Variants in SLC2A10 observed in about 807,000 individuals in gnomAD.
SLC2A10 encodes solute carrier family 2 member 10.
SLC2A10 carries 25 observed loss-of-function variants against 32.1 expected under a neutral mutation model. That is an observed-to-expected ratio of 0.78 (90% CI 0.57 to 1.09). The LOEUF is 1.09. Ranked by LOEUF, SLC2A10 falls within the 50% of genes least tolerant of loss-of-function variation. The pLI, the probability that SLC2A10 is intolerant of heterozygous loss-of-function variation, is 0.00. For synonymous variants in SLC2A10, 332 were observed against 309.6 expected, an observed-to-expected ratio of 1.07 and a Z score of -0.76; for missense variants, 673 against 686.5, an observed-to-expected ratio of 0.98 and a Z score of 0.22.
chr20:46,708,843 T>C (rs1452745430), upstream of SLC2A10, among the ~76,000 whole-genome samples: 1 of 152,224 alleles, frequency 6.6e-6, no homozygotes, highest in East Asian at 1.9e-4. Context: ...CTGCGTTTTT[T>C]GTACCCCATA....
In SLC2A10 at chr20:46,725,056, TC is replaced by T. The variant is rs765380452; in HGVS notation, c.22del (p.Leu8CysfsTer13). The T allele has an allele frequency of 2.5e-6, 4 of 1,614,262 alleles. No individual in the cohort carries two copies. The highest frequency in any genetic ancestry group is 2.5e-6 in the Non-Finnish European group (3 of 1,180,042). Reference sequence around the variant, plus strand: ...TGTTTTTTAGGCCACTCCCCACCTGTCCTGCCTTTGTGTGCCTCTGTGTCTT... The same window carrying T: ...TGTTTTTTAGGCCACTCCCCACCTGTCTGCCTTTGTGTGCCTCTGTGTCTT... MGHSPP[V>X]LPLCASVSLL... On this transcript the variant is annotated frameshift_variant, in exon 2 of 5. Transcript: ENST00000359271. LOFTEE classifies it high-confidence loss of function.
chr20:46,711,106 G>C (rs186336261), intron 1 of SLC2A10, among the ~76,000 whole-genome samples: 1 of 152,300 alleles, frequency 6.6e-6, no homozygotes, highest in Admixed American at 6.5e-5. Flanking sequence ...TCCTGACCTC[G>C]TGATCCGGCT....
rs774586340 is a variant in SLC2A10, at chr20:46,725,596, C to A, written c.560C>A (p.Ala187Asp). 5 of 1,614,182 alleles carry A rather than the reference C, an allele frequency of 3.1e-6. 1 individual carries two copies. The South Asian group carries it at 5.5e-5, about 18-fold the overall frequency. ...TCCCTCAGCCTCCTCTTCCTCCCTG[C>A]TGGTACAGATGAGACTGCAACACAC... is the stretch of plus-strand genomic sequence containing the variant. ...LQSLSLLFLP[A>D]GTDETATHKD... The change falls in exon 2 of 5, where the codon GCT becomes GAT. Residue 187 changes from alanine to aspartate, a missense_variant. Coordinates refer to ENST00000359271, the MANE Select transcript of SLC2A10 (RefSeq NM_030777.4).
At chr20:46,720,074 C>T (rs1014695959) in intron 1 of SLC2A10, among the ~76,000 whole-genome samples, 1 of 152,116 alleles carries the variant, frequency 6.6e-6, no homozygotes, top group Non-Finnish European at 1.5e-5. Context: ...TTTTATCTTC[C>T]CACTGGCTCT....
chr20:46,726,728 AG>A (rs1244901133), intron 2 of SLC2A10, 135 bp from the exon 3 acceptor site: 1 of 1,188,746 alleles, frequency 8.4e-7, no homozygotes, highest in Non-Finnish European at 1.2e-6. Context: ...TTCTTATAGC[AG>A]AATGGGAGTG....
At chr20:46,717,350 A>G (rs909398860) in intron 1 of SLC2A10, among the ~76,000 whole-genome samples, 7 of 152,204 alleles carry the variant, frequency 4.6e-5, no homozygotes, top group African/African-American at 1.7e-4. Context: ...CAATTGTATC[A>G]GTCATTGTAA....
chr20:46,724,439 TG>T (rs1245948741), intron 1 of SLC2A10, among the ~76,000 whole-genome samples: 2 of 151,952 alleles, frequency 1.3e-5, no homozygotes, highest in South Asian at 4.1e-4. Context: ...AACAAATTGA[TG>T]GATGGTTGGG....
chr20:46,712,158 A>G (rs761490131), intron 1 of SLC2A10, among the ~76,000 whole-genome samples: 20 of 152,230 alleles, frequency 1.3e-4, no homozygotes, highest in Non-Finnish European at 2.6e-4. Context: ...GTGGCTGGCT[A>G]TAGTGGGTAC....
chr20:46,721,822 G>A (rs1171713911), intron 1 of SLC2A10, among the ~76,000 whole-genome samples: 4 of 152,196 alleles, frequency 2.6e-5, no homozygotes, highest in Non-Finnish European at 4.4e-5. Context: ...GCAATTCCCT[G>A]AGACCCACTT....
intron 1 of SLC2A10, among the ~76,000 whole-genome samples, chr20:46,711,649 G>A (rs1978918497): frequency 6.6e-6 from 1 of 152,158 alleles, no homozygotes; most frequent in Admixed American, 6.5e-5. Flanking sequence ...GTTAGTGCTG[G>A]GGGAGGCATA....
At position 46,725,068 on chromosome 20, in the gene SLC2A10, G is replaced by A; in HGVS notation, c.32G>A (p.Cys11Tyr). 1.2e-6 allele frequency: 2 copies of A among 1,614,212 alleles called. No individual in the cohort carries two copies. The highest frequency in any genetic ancestry group is 1.7e-6 in the Non-Finnish European group (2 of 1,180,036). Residue 11 changes from cysteine (C) to tyrosine (Y), a missense_variant, in exon 2 of 5, where the codon TGT (cysteine) becomes TAT (tyrosine). Coordinates refer to ENST00000359271, the MANE Select transcript of SLC2A10 (RefSeq NM_030777.4). MGHSPPVLPL[C>Y]ASVSLLGGLT... is the part of the protein sequence containing the mutation. The stretch of plus-strand genomic sequence containing the variant: ...CACTCCCCACCTGTCCTGCCTTTGT[G>A]TGCCTCTGTGTCTTTGCTGGGTGGC...
In SLC2A10 at chr20:46,733,572, G is replaced by A. The variant is rs116583078; in HGVS notation, c.1548-184G>A. 8.2e-3 allele frequency among the ~76,000 whole-genome samples: 1,249 copies of A among 152,266 alleles called. 13 individuals are homozygous for A. The highest frequency in any genetic ancestry group is 0.019 in the African/African-American group (783 of 41,536). On this transcript the variant is annotated intron_variant, in intron 4 of 4. Transcript: ENST00000359271. Reference sequence around the variant, plus strand: ...GGCCAGGGAAGACCCAGGGAGACCAGGGAGGAGCTGCTAGGGGGTCCAGGT... The same window carrying A: ...GGCCAGGGAAGACCCAGGGAGACCAAGGAGGAGCTGCTAGGGGGTCCAGGT...
chr20:46,717,053 C>T (rs776758853), intron 1 of SLC2A10, among the ~76,000 whole-genome samples: 2 of 152,092 alleles, frequency 1.3e-5, no homozygotes, highest in Non-Finnish European at 2.9e-5. Context: ...TCCTGCATCC[C>T]GTTAGCCACA....
Position 46,709,676 on chromosome 20 carries a change from C to G in SLC2A10, c.-61C>G. ...CCGGCGGCAGCGGCGTTGGGGACTC[C>G]GGCGGGGGATGCGCGCCCGGCCCCT... On this transcript the variant is annotated 5_prime_UTR_variant, in exon 1 of 5. Coordinates refer to ENST00000359271, the MANE Select transcript of SLC2A10 (RefSeq NM_030777.4). 2.0e-6 allele frequency: 3 copies of G among 1,532,170 alleles called. No individual in the cohort carries two copies. Among genetic ancestry groups the G allele is most frequent in the Non-Finnish European group, 2.6e-6 (3 of 1,140,084 alleles). The allele number at this position is 1,532,170 out of a possible 1,614,324, so 94.9% of individuals were successfully genotyped here. A position where few individuals can be genotyped will look rare whatever the true frequency, so the allele number is the denominator to read the frequency against.
In SLC2A10 at chr20:46,727,046, C is replaced by G. The variant is rs561773160; in HGVS notation, c.1411+60C>G. 20 of 1,611,654 alleles carry G rather than the reference C, an allele frequency of 1.2e-5. No individual in the cohort carries two copies. In the East Asian group the frequency reaches 2.7e-4, roughly 22 times the overall value. Reference sequence around the variant, plus strand: ...GTGGCCCAAGCTCCCTACTCTAAAGCAGAAATTTTTGGATTTTCCTATGTA... The same window carrying G: ...GTGGCCCAAGCTCCCTACTCTAAAGGAGAAATTTTTGGATTTTCCTATGTA... On this transcript the variant is annotated intron_variant, in intron 3 of 4. Coordinates refer to ENST00000359271, the MANE Select transcript of SLC2A10 (RefSeq NM_030777.4).
chr20:46,729,915 C>A (rs1267469503), intron 4 of SLC2A10, among the ~76,000 whole-genome samples: 1 of 152,100 alleles, frequency 6.6e-6, no homozygotes, highest in African/African-American at 2.4e-5. Context: ...CAAGCGTGAG[C>A]CACCGCGCCC....
intron 3 of SLC2A10, among the ~76,000 whole-genome samples, chr20:46,727,407 A>G (rs1980035367): frequency 6.6e-6 from 1 of 151,544 alleles, no homozygotes; most frequent in Non-Finnish European, 1.5e-5. Flanking sequence ...TGCAACCTCC[A>G]CCTCCCGGGT....
At position 46,726,310 on chromosome 20, in the gene SLC2A10, T is replaced by C. The variant is rs546176728; in HGVS notation, c.1274T>C (p.Phe425Ser). ...CLMVFVSAFS[F>S]GFGPVTWLVL... ...ATGGTCTTTGTCAGTGCCTTCTCCT[T>C]TGGGTTTGGGCCAGGTAAGTGGAGT... The change falls in exon 2 of 5, where the codon TTT (phenylalanine) becomes TCT (serine). Residue 425 changes from phenylalanine to serine, a missense_variant. Phe to Ser is a radical substitution (Grantham distance 155). Transcript: ENST00000359271. 13 of 1,609,680 alleles carry C rather than the reference T, an allele frequency of 8.1e-6. No homozygotes were observed. Among genetic ancestry groups the C allele is most frequent in the Non-Finnish European group, 1.1e-5 (13 of 1,180,026 alleles).
At chr20:46,723,901 A>G (rs1401308854) in intron 1 of SLC2A10, among the ~76,000 whole-genome samples, 1 of 152,274 alleles carries the variant, frequency 6.6e-6, no homozygotes, top group Admixed American at 6.5e-5. Flanking sequence ...TAACAATTAA[A>G]TGAGAAAATA....
Sources: allele counts gnomAD v4.1 joint callset (sites outside exome capture counted in the v4.1 genomes callset), GRCh38; gene constraint gnomAD v4.1.1; transcripts MANE v1.5; gene names NCBI Gene and HGNC (gene_info 2026-07-23, HGNC 2026-07-21).